Variants in ATL2 observed in about 807,000 individuals in gnomAD.
ATL2 encodes atlastin-2.
In ATL2, 31 loss-of-function variants were observed where a neutral mutation model predicts 73.9. The ratio of observed to expected loss-of-function variants is 0.42; its 90% CI spans 0.32 to 0.57. The LOEUF (loss-of-function observed/expected upper bound fraction) is 0.57, where lower values mean the gene tolerates loss of function less well. ATL2 is among the 20% of genes least tolerant of loss of function. The pLI, the probability that ATL2 is intolerant of heterozygous loss-of-function variation, is 0.14. For synonymous variants in ATL2, 291 were observed against 237.5 expected (o/e 1.23, Z -2.07); for missense variants, 738 against 702.6 (o/e 1.05, Z -0.57).
intron 11 of ATL2, among the ~76,000 whole-genome samples, 162 bp from the exon 12 acceptor site, chr2:38,298,737 T>C (rs1474331143): frequency 6.6e-6 from 1 of 152,198 alleles, no homozygotes; most frequent in African/African-American, 2.4e-5. Context: ...CTAGTTATTG[T>C]TTATATGTTG....
At chr2:38,330,529 T>C (rs922463479) in intron 2 of ATL2, among the ~76,000 whole-genome samples, 2 of 152,144 alleles carry the variant, frequency 1.3e-5, no homozygotes, top group South Asian at 4.1e-4. Context: ...CTAAAAAAAT[T>C]ATTGGAACTA....
chr2:38,311,697 G>C (rs931902125), intron 7 of ATL2, among the ~76,000 whole-genome samples: 1 of 152,202 alleles, frequency 6.6e-6, no homozygotes, highest in Admixed American at 6.5e-5. Context: ...GAAGGTTGCT[G>C]TATGGAGGTG....
In ATL2 at chr2:38,298,332, T is replaced by G; in HGVS notation, c.1444A>C (p.Met482Leu). Residue 482 changes from methionine to leucine, a missense_variant, in exon 12 of 13, where the codon ATG becomes CTG. Coordinates refer to ENST00000378954, the MANE Select transcript of ATL2 (RefSeq NM_001135673.4). Reference sequence around the variant, plus strand: ...CCTGAGATTATATACATAGCAAACATGACCGCAAACAGTGTGGCTGGGGTA... The same window carrying G: ...CCTGAGATTATATACATAGCAAACAGGACCGCAAACAGTGTGGCTGGGGTA... ...ARTPATLFAV[M>L]FAMYIISGLT... 2 of 1,614,200 alleles carry G rather than the reference T, an allele frequency of 1.2e-6. No individual in the cohort carries two copies. Among genetic ancestry groups the G allele is most frequent in the Non-Finnish European group, 1.7e-6 (2 of 1,180,024 alleles).
intron 6 of ATL2, among the ~76,000 whole-genome samples, chr2:38,313,475 G>T (rs1051198313): frequency 2.6e-5 from 4 of 151,984 alleles, no homozygotes; most frequent in Non-Finnish European, 5.9e-5. Context: ...TAAATATAAA[G>T]AAAGAGTCAC....
At chr2:38,362,389 C>G (rs1671063290) in intron 1 of ATL2, among the ~76,000 whole-genome samples, 1 of 152,182 alleles carries the variant, frequency 6.6e-6, no homozygotes, top group Non-Finnish European at 1.5e-5. Flanking sequence ...GGGCCTATGA[C>G]TGAGTTAATA....
Position 38,296,034 on chromosome 2 carries a change from G to A in ATL2, c.1712C>T (p.Thr571Ile). Residue 571 changes from threonine to isoleucine, a missense_variant, in exon 13 of 13, where the codon ACT becomes ATT. Transcript: ENST00000378954. ...TCTGGCATGATGAGACACCTGGTCA[G>A]TCAGGCCTGCTTTGATAGAGTTTGT... ...SVTNSIKAGL[T>I]DQVSHHARLK... 1.9e-6 allele frequency: 3 copies of A among 1,551,744 alleles called. No homozygotes were observed. The highest frequency in any genetic ancestry group is 2.6e-6 in the Non-Finnish European group (3 of 1,146,824).
chr2:38,376,301 C>G, intron 1 of ATL2: 1 of 1,318,314 alleles, frequency 7.6e-7, no homozygotes, highest in Non-Finnish European at 9.9e-7. Flanking sequence ...AACGCAACTG[C>G]GTCTTCGAGG....
At chr2:38,356,709 T>C (rs999496745) in intron 1 of ATL2, among the ~76,000 whole-genome samples, 3 of 152,218 alleles carry the variant, frequency 2.0e-5, no homozygotes, top group Non-Finnish European at 2.9e-5. Flanking sequence ...TTTGTATCCA[T>C]ACTAACAAAA....
intron 9 of ATL2, among the ~76,000 whole-genome samples, chr2:38,304,669 G>C (rs1667357019): frequency 6.6e-6 from 1 of 152,140 alleles, no homozygotes; most frequent in African/African-American, 2.4e-5. Context: ...TTAAAGTGTA[G>C]AATTTTTATT....
At chr2:38,308,388 G>A (rs1667566705) in intron 9 of ATL2, among the ~76,000 whole-genome samples, 1 of 152,108 alleles carries the variant, frequency 6.6e-6, no homozygotes, top group Non-Finnish European at 1.5e-5. Flanking sequence ...CTTATTTGTG[G>A]GAGCTAAAAA....
rs1017925537 is a variant in ATL2, at chr2:38,294,461, T to C, written c.*1533A>G. Among the ~76,000 whole-genome samples, 2 of 152,050 alleles carry C rather than the reference T, an allele frequency of 1.3e-5. No homozygotes were observed. The highest frequency in any genetic ancestry group is 4.8e-5 in the African/African-American group (2 of 41,396). ...TACTCAGGAGGCTGAGGCGGGAGAA[T>C]CACTTGAACCCAGGAGGTGGAGGTT... On this transcript the variant is annotated 3_prime_UTR_variant, in exon 13 of 13. Coordinates refer to ENST00000378954, the MANE Select transcript of ATL2 (RefSeq NM_001135673.4).
intron 2 of ATL2, among the ~76,000 whole-genome samples, chr2:38,340,374 A>C (rs572123644): frequency 6.6e-6 from 1 of 152,088 alleles, no homozygotes; most frequent in African/African-American, 2.4e-5. Flanking sequence ...ATTTATCTAA[A>C]GCACACCCCT....
rs981838190 is a variant in ATL2, at chr2:38,309,569, T to C, written c.944-63A>G. ...AAAAATTAGGTCCCCACTGGTACGA[T>C]TTCATAAAATTCTGTTTTATGAAAT... On this transcript the variant is annotated intron_variant, in intron 8 of 12. Transcript: ENST00000378954. 5.4e-6 allele frequency: 8 copies of C among 1,486,492 alleles called. No homozygotes were observed. In the African/African-American group the frequency reaches 5.7e-5, roughly 11 times the overall value. 92.1% of individuals were successfully genotyped at this position (1,486,492 alleles called of 1,614,324 possible). A position where few individuals can be genotyped will look rare whatever the true frequency, so the allele number is the denominator to read the frequency against.
intron 1 of ATL2, among the ~76,000 whole-genome samples, chr2:38,369,725 T>C (rs911763599): frequency 2.6e-5 from 4 of 151,678 alleles, no homozygotes; most frequent in African/African-American, 9.7e-5. Flanking sequence ...AATAAGTACA[T>C]AAATAAAAAA....
At chr2:38,368,310 T>C (rs1315098898) in intron 1 of ATL2, among the ~76,000 whole-genome samples, 4 of 149,674 alleles carry the variant, frequency 2.7e-5, no homozygotes, top group African/African-American at 7.4e-5. Context: ...TGGAGCGCAA[T>C]GGTGCAATCT....
chr2:38,319,016 A>G lies in ATL2; in HGVS notation c.367T>C (p.Ser123Pro), dbSNP rs779638560. The change falls in exon 3 of 13, where the codon TCT becomes CCT. Residue 123 changes from serine to proline, a missense_variant. Physicochemically the swap from Ser to Pro is moderately conservative, Grantham distance 74 (BLOSUM62 -1). Transcript: ENST00000378954. ...FMLRYMYNKDSQSWIGGNNEP... is the reference protein window; with the variant it reads ...FMLRYMYNKDPQSWIGGNNEP... ...TTGTTTCCACCAATCCAACTTTGAG[A>G]ATCCTGTTAAAGTCAAGGATAAATG... 1 of 1,611,868 alleles carries G rather than the reference A, an allele frequency of 6.2e-7. No individual in the cohort carries two copies. Among genetic ancestry groups the G allele is most frequent in the Non-Finnish European group, 8.5e-7 (1 of 1,179,350 alleles).
rs577250422 is a variant in ATL2 at position 38,313,338 on chromosome 2, C to T, written c.712-95G>A. ...AACAATTGAAGCCTCTCTTACTCTC[C>T]TAAACAATCCTTATCAAAAGTTATA... On this transcript the variant is annotated intron_variant, in intron 6 of 12. Coordinates refer to ENST00000378954, the MANE Select transcript of ATL2 (RefSeq NM_001135673.4). The T allele has an allele frequency of 8.6e-6, 7 of 817,936 alleles. No homozygotes were observed. In the African/African-American group the frequency reaches 1.2e-4, roughly 14 times the overall value. 50.7% of individuals were successfully genotyped at this position (817,936 alleles called of 1,614,324 possible).
chr2:38,365,575 G>A (rs1671274439), intron 1 of ATL2, among the ~76,000 whole-genome samples: 1 of 152,238 alleles, frequency 6.6e-6, no homozygotes, highest in Admixed American at 6.5e-5. Flanking sequence ...TGAATCACGA[G>A]GTCAGGAGTT....
chr2:38,376,219 C>A, intron 1 of ATL2: 1 of 1,491,314 alleles, frequency 6.7e-7, no homozygotes, highest in Non-Finnish European at 9.0e-7. Context: ...CAATTCGCAC[C>A]ACAGTGAGAG....
Sources: allele counts gnomAD v4.1 joint callset (sites outside exome capture counted in the v4.1 genomes callset), GRCh38; gene constraint gnomAD v4.1.1; transcripts MANE v1.5; gene names NCBI Gene and HGNC (gene_info 2026-07-23, HGNC 2026-07-21).